Variants in BNC2 observed in about 807,000 individuals in gnomAD.
BNC2 encodes the protein basonuclin zinc finger protein 2.
In BNC2, 20 loss-of-function variants were observed where a neutral mutation model predicts 76.3. The ratio of observed to expected loss-of-function variants is 0.26; its 90% CI spans 0.18 to 0.38. The LOEUF is 0.38. Among genes scored for constraint, BNC2 ranks in the 10% least tolerant of loss-of-function variants. The pLI, the probability that BNC2 is intolerant of heterozygous loss-of-function variation, is 1.00. For missense variants in BNC2, 1,382 were observed against 1,399.8 expected (o/e 0.99, Z 0.20); for synonymous variants, 582 against 514.8 (o/e 1.13, Z -1.77).
At chr9:16,496,698 A>T (rs1427007297) in intron 5 of BNC2, among the ~76,000 whole-genome samples, 1 of 152,196 alleles carries the variant, frequency 6.6e-6, no homozygotes, top group Admixed American at 6.5e-5. Flanking sequence ...TCTTGTGTTT[A>T]TCAGGAGCAG....
At chr9:16,506,854 T>G (rs1587110321) in intron 5 of BNC2, among the ~76,000 whole-genome samples, 1 of 143,538 alleles carries the variant, frequency 7.0e-6, no homozygotes, top group Non-Finnish European at 1.5e-5. Context: ...TGGGTTCAAG[T>G]GATGCTCCTG....
At chr9:16,610,953 C>T (rs114823542) in intron 3 of BNC2, among the ~76,000 whole-genome samples, 7 of 152,054 alleles carry the variant, frequency 4.6e-5, no homozygotes, top group African/African-American at 7.2e-5. Context: ...AATTACACTG[C>T]GGTTCTTTAT....
chr9:16,645,734 G>T (rs1449545911), intron 3 of BNC2, among the ~76,000 whole-genome samples: 1 of 152,152 alleles, frequency 6.6e-6, no homozygotes, highest in Non-Finnish European at 1.5e-5. Context: ...ATAAATTAAT[G>T]TACATAAATT....
chr9:16,537,385 T>C (rs894619376), intron 5 of BNC2, among the ~76,000 whole-genome samples: 7 of 152,046 alleles, frequency 4.6e-5, no homozygotes, highest in Non-Finnish European at 8.8e-5. Context: ...ATTACTCTTT[T>C]AGAAATATTA....
intron 5 of BNC2, among the ~76,000 whole-genome samples, chr9:16,496,950 C>G (rs867665133): frequency 2.6e-5 from 4 of 152,232 alleles, no homozygotes; most frequent in Non-Finnish European, 5.9e-5. Flanking sequence ...AGCAGCCTCT[C>G]CGCAGTACTA....
chr9:16,566,192 T>C (rs150873688), intron 4 of BNC2, among the ~76,000 whole-genome samples: 5 of 152,330 alleles, frequency 3.3e-5, no homozygotes, highest in African/African-American at 1.2e-4. Flanking sequence ...TGTTCCTACT[T>C]ATCTCAAGAC....
At chr9:16,630,722 T>G (rs1821135947) in intron 3 of BNC2, among the ~76,000 whole-genome samples, 1 of 148,810 alleles carries the variant, frequency 6.7e-6, no homozygotes, top group Non-Finnish European at 1.5e-5. Flanking sequence ...GCAAAACCTG[T>G]GTATTATTTA....
intron 3 of BNC2, among the ~76,000 whole-genome samples, chr9:16,652,257 G>A (rs1438808033): frequency 6.6e-6 from 1 of 152,076 alleles, no homozygotes; most frequent in Non-Finnish European, 1.5e-5. Flanking sequence ...ACTTTTATTA[G>A]AATTTTTTTT....
intron 1 of BNC2, among the ~76,000 whole-genome samples, chr9:16,762,556 A>G (rs1329058398): frequency 6.6e-6 from 1 of 152,200 alleles, no homozygotes. Flanking sequence ...CACCAACAGC[A>G]GTTCCCAGGA....
At position 16,788,501 on chromosome 9, in the gene BNC2, C is replaced by T. The variant is rs898869375; in HGVS notation, c.4-50016G>A. ...CCAGGAGGCGGAGCTTGCAGTGAGC[C>T]GAGATGACGCCACTGCACTCCACCC... On this transcript the variant is annotated intron_variant, in intron 1 of 6. Coordinates refer to ENST00000380672, the MANE Select transcript of BNC2 (RefSeq NM_017637.6). Among the ~76,000 whole-genome samples the T allele has an allele frequency of 4.8e-5, 7 of 146,846 alleles. No homozygotes were observed. The East Asian group carries it at 8.1e-4, about 17-fold the overall frequency.
intron 1 of BNC2, among the ~76,000 whole-genome samples, chr9:16,801,745 C>A (rs4523356): frequency 0.11 from 15,382 of 136,214 alleles, 1,281 homozygotes; most frequent in East Asian, 0.32. Flanking sequence ...AAAAAAAAAA[C>A]ACACACACAC....
chr9:16,420,393 T>C (rs1820685329), intron 6 of BNC2, among the ~76,000 whole-genome samples: 1 of 152,092 alleles, frequency 6.6e-6, no homozygotes, highest in Admixed American at 6.5e-5. Context: ...GTGTCCAAAA[T>C]ATTTTCATCG....
intron 3 of BNC2, among the ~76,000 whole-genome samples, chr9:16,701,824 C>T (rs1052510219): frequency 6.7e-6 from 1 of 148,304 alleles, no homozygotes; most frequent in Non-Finnish European, 1.5e-5. Context: ...CACCTGTAAT[C>T]CAAGCTACTC....
chr9:16,579,217 A>C (rs1425551684), intron 4 of BNC2, among the ~76,000 whole-genome samples: 2 of 152,288 alleles, frequency 1.3e-5, no homozygotes, highest in East Asian at 3.9e-4. Flanking sequence ...AACACAGCCC[A>C]CTAAGTATTA....
chr9:16,421,041 C>T (rs777964562), intron 6 of BNC2, among the ~76,000 whole-genome samples: 2 of 152,110 alleles, frequency 1.3e-5, no homozygotes, highest in South Asian at 2.1e-4. Flanking sequence ...ACAGACCTCC[C>T]GATTATACTT....
At chr9:16,812,757 G>C (rs922689585) in intron 1 of BNC2, among the ~76,000 whole-genome samples, 1 of 151,922 alleles carries the variant, frequency 6.6e-6, no homozygotes, top group Non-Finnish European at 1.5e-5. Context: ...TTCAAAATAC[G>C]TTTAGCTATA....
In BNC2 at chr9:16,412,289, C is replaced by A. The variant is rs1030942332; in HGVS notation, c.*6700G>T. On this transcript the variant is annotated 3_prime_UTR_variant, in exon 7 of 7. Coordinates refer to ENST00000380672, the MANE Select transcript of BNC2 (RefSeq NM_017637.6). ...GATTTGGAGGGGTCATTGAAAGATG[C>A]ATTTGTACACCTACGTCCATGGTTT... 14 of 152,486 alleles carry A rather than the reference C, an allele frequency of 9.2e-5. No homozygotes were observed. The highest frequency in any genetic ancestry group is 1.5e-4 in the Non-Finnish European group (10 of 68,006). The allele number at this position is 152,486 out of a possible 1,614,324, so 9.4% of individuals were successfully genotyped here.
intron 3 of BNC2, among the ~76,000 whole-genome samples, chr9:16,601,891 A>G (rs1820254124): frequency 6.6e-6 from 1 of 152,184 alleles, no homozygotes; most frequent in Admixed American, 6.5e-5. Context: ...CTAAAGTTTA[A>G]AAGATAATGT....
intron 3 of BNC2, among the ~76,000 whole-genome samples, chr9:16,653,226 T>C (rs191736647): frequency 2.3e-4 from 35 of 152,262 alleles, no homozygotes; most frequent in African/African-American, 7.0e-4. Context: ...TTAAAATAAC[T>C]GCAGATCAAT....
Sources: allele counts gnomAD v4.1 joint callset (sites outside exome capture counted in the v4.1 genomes callset), GRCh38; gene constraint gnomAD v4.1.1; transcripts MANE v1.5; gene names NCBI Gene and HGNC (gene_info 2026-07-23, HGNC 2026-07-21).